Variants in DTNA observed in about 807,000 individuals in gnomAD.
The protein encoded by DTNA is dystrophin-related protein 3.
DTNA carries 43 observed loss-of-function variants against 100.7 expected under a neutral mutation model. That is an observed-to-expected ratio of 0.43 (90% CI 0.33 to 0.55). The LOEUF is 0.55. Among genes scored for constraint, DTNA ranks in the 20% least tolerant of loss-of-function variants. DTNA has a pLI of 0.04. For synonymous variants in DTNA, 349 were observed against 347.9 expected (o/e 1.00, Z -0.04); for missense variants, 798 against 953.9 (o/e 0.84, Z 2.15).
chr18:34,499,715 C>G (rs1232817369), intron 1 of DTNA, among the ~76,000 whole-genome samples: 1 of 152,114 alleles, frequency 6.6e-6, no homozygotes, highest in Non-Finnish European at 1.5e-5. Flanking sequence ...ATTTGCATTT[C>G]CTTAAGACTA....
At chr18:34,767,376 C>T (rs1318062150) in intron 3 of DTNA, among the ~76,000 whole-genome samples, 2 of 152,170 alleles carry the variant, frequency 1.3e-5, no homozygotes, top group Non-Finnish European at 2.9e-5. Context: ...CAAGTTTCTC[C>T]TCTACATCTT....
chr18:34,781,910 A>G (rs1463383622), intron 3 of DTNA, among the ~76,000 whole-genome samples: 2 of 152,162 alleles, frequency 1.3e-5, no homozygotes, highest in African/African-American at 2.4e-5. Context: ...AGTGAGTTCA[A>G]ATTTCTAAAG....
intron 1 of DTNA, among the ~76,000 whole-genome samples, chr18:34,519,558 G>A (rs181522996): frequency 6.6e-6 from 1 of 152,264 alleles, no homozygotes; most frequent in Non-Finnish European, 1.5e-5. Context: ...GAGATGACAA[G>A]CCTAAAATTC....
intron 1 of DTNA, among the ~76,000 whole-genome samples, chr18:34,527,309 C>A: frequency 6.6e-6 from 1 of 151,900 alleles, no homozygotes. Context: ...TCCCACAAAC[C>A]AAAGAGAATC....
intron 1 of DTNA, among the ~76,000 whole-genome samples, chr18:34,690,719 A>G (rs903125147): frequency 2.6e-5 from 4 of 152,218 alleles, no homozygotes; most frequent in African/African-American, 7.2e-5. Context: ...TAAATGCAGA[A>G]ATCATCTTTT....
intron 18 of DTNA, among the ~76,000 whole-genome samples, chr18:34,876,242 A>G (rs1038614084): frequency 8.5e-5 from 13 of 152,214 alleles, no homozygotes; most frequent in African/African-American, 3.1e-4. Flanking sequence ...CATTTTCTTT[A>G]AATTAGCAAT....
rs539614988 is a variant in DTNA, at chr18:34,551,710, GA to G, written c.-2+58201del. Among the ~76,000 whole-genome samples the G allele has an allele frequency of 3.7e-3, 566 of 152,160 alleles. 1 individual carries two copies. Among genetic ancestry groups the G allele is most frequent in the African/African-American group, 0.011 (446 of 41,530 alleles). On this transcript the variant is annotated intron_variant, in intron 1 of 19. Coordinates refer to the DTNA transcript ENST00000283365. ...AGGCTGAACATAGCAGGAGGGCTAGGAAAAAGTATATCTTTTGGTCTAGATC... is the reference window on the plus strand; with the variant it reads ...AGGCTGAACATAGCAGGAGGGCTAGGAAAAGTATATCTTTTGGTCTAGATC...
chr18:34,881,954 C>G, intron 20 of DTNA, 115 bp from the exon 21 acceptor site: 2 of 1,430,344 alleles, frequency 1.4e-6, no homozygotes, highest in Admixed American at 3.4e-5. Context: ...ATGAAAGTGA[C>G]TTGGAGAACT....
intron 1 of DTNA, among the ~76,000 whole-genome samples, chr18:34,633,443 A>G (rs967866064): frequency 6.6e-6 from 1 of 152,180 alleles, no homozygotes; most frequent in Non-Finnish European, 1.5e-5. Context: ...ATAAAGATCT[A>G]TTATAGTAAG....
intron 10 of DTNA, 178 bp from the exon 11 acceptor site, chr18:34,829,222 C>A: frequency 6.4e-7 from 1 of 1,552,496 alleles, no homozygotes; most frequent in Non-Finnish European, 8.7e-7. Context: ...CTCTGTGAAC[C>A]ACAGTTGTGT....
intron 3 of DTNA, among the ~76,000 whole-genome samples, chr18:34,779,950 T>A (rs1390332833): frequency 1.3e-5 from 2 of 152,208 alleles, no homozygotes; most frequent in African/African-American, 4.8e-5. Context: ...ATTGGTAGTA[T>A]CAGACAGTGG....
chr18:34,750,710 G>A (rs569051775), intron 1 of DTNA, among the ~76,000 whole-genome samples: 4 of 152,262 alleles, frequency 2.6e-5, no homozygotes, highest in African/African-American at 7.2e-5. Context: ...CAAAGTTACA[G>A]GGAAAAGCAT....
chr18:34,642,706 G>A (rs13381241), intron 1 of DTNA, among the ~76,000 whole-genome samples: 2,039 of 151,936 alleles, frequency 0.013, 45 homozygotes, highest in African/African-American at 0.046. Context: ...TTATGGTCAC[G>A]CACCACCACG....
chr18:34,792,902 A>G lies in DTNA; in HGVS notation c.149-1135A>G, dbSNP rs145371200. On this transcript the variant is annotated intron_variant, in intron 3 of 22. Transcript: ENST00000444659. ...ATATCTATACAAAGACTTGTACGTG[A>G]TTGTTCATAGCAATTTTATTCATAA... 2.0e-5 allele frequency among the ~76,000 whole-genome samples: 3 copies of G among 152,310 alleles called. No homozygotes were observed. In the East Asian group the frequency reaches 5.8e-4, roughly 29 times the overall value.
At chr18:34,651,939 A>G (rs182870161) in intron 1 of DTNA, among the ~76,000 whole-genome samples, 28 of 152,058 alleles carry the variant, frequency 1.8e-4, no homozygotes, top group Admixed American at 7.9e-4. Flanking sequence ...TAGCCCACAC[A>G]TATATAGTCC....
chr18:34,686,561 T>C lies in DTNA; in HGVS notation c.-1-69415T>C, dbSNP rs566708408. Among the ~76,000 whole-genome samples, 447 of 152,344 alleles carry C rather than the reference T, an allele frequency of 2.9e-3. 2 individuals carry two copies. The highest frequency in any genetic ancestry group is 0.01 in the African/African-American group (418 of 41,574). ...TTGCCAGTACGTTATTGAAGATTTT[T>C]GCATCAATGTTCATCAGGAATATTG... On this transcript the variant is annotated intron_variant, in intron 1 of 19. Coordinates refer to the DTNA transcript ENST00000283365.
chr18:34,728,118 AT>A (rs1193459001), intron 1 of DTNA, among the ~76,000 whole-genome samples: 1 of 152,224 alleles, frequency 6.6e-6, no homozygotes, highest in African/African-American at 2.4e-5. Context: ...AAAAGTGAGA[AT>A]TTGAAATTGC....
chr18:34,649,441 A>AC (rs2060204347), intron 1 of DTNA, among the ~76,000 whole-genome samples: 1 of 152,212 alleles, frequency 6.6e-6, no homozygotes, highest in South Asian at 2.1e-4. Context: ...CCCTCAACCT[A>AC]AAGATAGAGC....
intron 1 of DTNA, among the ~76,000 whole-genome samples, chr18:34,563,762 A>T (rs1450750701): frequency 6.6e-6 from 1 of 152,218 alleles, no homozygotes; most frequent in South Asian, 2.1e-4. Flanking sequence ...TAAATCCACC[A>T]AAATTTAGAG....
Sources: gnomAD v4.1 joint callset for allele counts (sites outside exome capture counted in the v4.1 genomes callset) on GRCh38, gnomAD v4.1.1 for gene constraint, MANE v1.5 for transcripts, NCBI Gene and HGNC (gene_info 2026-07-23, HGNC 2026-07-21) for gene names.